Variants in CUX2 observed in about 807,000 individuals in gnomAD.
CUX2 encodes the protein homeobox protein cut-like 2.
CUX2 carries 40 observed loss-of-function variants against 144.8 expected under a neutral mutation model. The ratio of observed to expected loss-of-function variants is 0.28; its 90% CI spans 0.21 to 0.36. The LOEUF (loss-of-function observed/expected upper bound fraction) is 0.36, where lower values mean the gene tolerates loss of function less well. CUX2 is among the 10% of genes least tolerant of loss of function. The probability of loss-of-function intolerance (pLI) is 1.00; values close to 1 mark genes in which losing one functional copy is unlikely to be tolerated. For missense variants in CUX2, 1,615 were observed against 1,994.0 expected (o/e 0.81, Z 3.62); for synonymous variants, 827 against 875.6 (o/e 0.94, Z 0.98).
chr12:111,217,796 A>T (rs1881628438), intron 2 of CUX2, 94 bp from the exon 3 acceptor site: 1 of 1,324,938 alleles, frequency 7.5e-7, no homozygotes, highest in East Asian at 2.3e-5. Context: ...TGCTTGGGAA[A>T]TGCTGAGCCA....
chr12:111,215,648 G>A (rs1350688990), intron 2 of CUX2, among the ~76,000 whole-genome samples: 2 of 152,162 alleles, frequency 1.3e-5, no homozygotes, highest in African/African-American at 4.8e-5. Flanking sequence ...TCGCCTTTTA[G>A]AACAGAGCTC....
intron 21 of CUX2, among the ~76,000 whole-genome samples, chr12:111,344,009 C>T (rs182027579): frequency 3.5e-4 from 53 of 152,286 alleles, no homozygotes; most frequent in African/African-American, 1.3e-3. Flanking sequence ...GCCGAGATCA[C>T]ACCACTGCAC....
At chr12:111,123,979 T>G (rs1874876211) in intron 1 of CUX2, among the ~76,000 whole-genome samples, 1 of 152,164 alleles carries the variant, frequency 6.6e-6, no homozygotes, top group Non-Finnish European at 1.5e-5. Context: ...AGTCAACATT[T>G]TTTTCTAGAT....
chr12:111,101,238 G>A (rs745795952), intron 1 of CUX2, among the ~76,000 whole-genome samples: 2 of 152,114 alleles, frequency 1.3e-5, no homozygotes, highest in Non-Finnish European at 2.9e-5. Context: ...TTGGTTCCTG[G>A]GATGCACCTT....
chr12:111,192,871 A>G (rs1207830300), intron 1 of CUX2, among the ~76,000 whole-genome samples: 1 of 152,250 alleles, frequency 6.6e-6, no homozygotes, highest in Non-Finnish European at 1.5e-5. Context: ...CATCGTTCCT[A>G]TGGCTAATAG....
intron 1 of CUX2, among the ~76,000 whole-genome samples, chr12:111,179,395 C>T (rs1369838037): frequency 6.6e-6 from 1 of 152,198 alleles, no homozygotes; most frequent in Admixed American, 6.5e-5. Flanking sequence ...ACCAAGCACC[C>T]AAGAAATGTT....
In CUX2 at chr12:111,295,276, G is replaced by T. The variant is rs1885911232; in HGVS notation, c.561-57G>T. On this transcript the variant is annotated intron_variant, in intron 6 of 21. Coordinates refer to ENST00000261726, the MANE Select transcript of CUX2 (RefSeq NM_015267.4). The surrounding 1 kb of genome is among the most constrained non-coding windows in gnomAD (Gnocchi z 5.0). ...GAAGCAAGATGGGGCTCGACTCGGG[G>T]GCCCCAGGCAAGGCCTGTCCCTGCA... 6.4e-7 allele frequency: 1 copy of T among 1,564,900 alleles called. No homozygotes were observed. Among genetic ancestry groups the T allele is most frequent in the Non-Finnish European group, 8.7e-7 (1 of 1,149,172 alleles).
Position 111,308,545 on chromosome 12 carries a change from C to T in CUX2, c.1258+19C>T. 3.8e-6 allele frequency: 6 copies of T among 1,593,644 alleles called. No homozygotes were observed. Among genetic ancestry groups the T allele is most frequent in the Non-Finnish European group, 5.1e-6 (6 of 1,169,506 alleles). ...AGCCCTGGTAGGGGAGGAGGATACT[C>T]TGGGGCTGAGGGCTGGGGCGGGGGC... On this transcript the variant is annotated intron_variant, in intron 14 of 21. Coordinates refer to ENST00000261726, the MANE Select transcript of CUX2 (RefSeq NM_015267.4).
chr12:111,319,736 C>G (rs1423544577), intron 16 of CUX2, among the ~76,000 whole-genome samples: 3 of 152,150 alleles, frequency 2.0e-5, no homozygotes, highest in African/African-American at 7.2e-5. Context: ...CATCTCAAAA[C>G]AAAACAAAAC....
chr12:111,049,223 A>G (rs1870145886), intron 1 of CUX2, among the ~76,000 whole-genome samples: 1 of 151,994 alleles, frequency 6.6e-6, no homozygotes, highest in Non-Finnish European at 1.5e-5. Flanking sequence ...GAATTCATCC[A>G]TCCATCCATC....
chr12:111,035,426 T>C lies in CUX2; in HGVS notation c.63+1186T>C, dbSNP rs563945723. On this transcript the variant is annotated intron_variant, in intron 1 of 21. Coordinates refer to ENST00000261726, the MANE Select transcript of CUX2 (RefSeq NM_015267.4). The surrounding 1 kb of genome is among the most constrained non-coding windows in gnomAD (Gnocchi z 6.0). ...AGGCGCGGCTCCGGCCTCTGTTCTT[T>C]CCCGGAGTGCCCCGGACGCGCCTGG... Among the ~76,000 whole-genome samples, 8 of 151,836 alleles carry C rather than the reference T, an allele frequency of 5.3e-5. No individual in the cohort carries two copies. In the East Asian group the frequency reaches 1.6e-3, roughly 30 times the overall value.
In CUX2 at chr12:111,320,948, A is replaced by G. The variant is rs1887496984; in HGVS notation, c.2766+173A>G. ...GCCACTGTTCTGCTCCGTGGTTGTT[A>G]AAACCAGGAAATGCTTCCATCCTGG... On this transcript the variant is annotated intron_variant, in intron 17 of 21. Coordinates refer to ENST00000261726, the MANE Select transcript of CUX2 (RefSeq NM_015267.4). The surrounding 1 kb of genome is among the most constrained non-coding windows in gnomAD (Gnocchi z 8.1). Among the ~76,000 whole-genome samples, 1 of 152,180 alleles carries G rather than the reference A, an allele frequency of 6.6e-6. No homozygotes were observed. Among genetic ancestry groups the G allele is most frequent in the South Asian group, 2.1e-4 (1 of 4,826 alleles).
rs1017332335 is a variant in CUX2 at position 111,334,481 on chromosome 12, C to G, written c.2967C>G (p.Pro989=). ...TEPRSSPSPP[P]SPTEPEKSSQ... is the part of the protein sequence containing the mutation. ...CAAGGTCCTCACCATCCCCACCCCCCAGCCCCACAGAGCCTGAGAAGAGCT... is the reference window on the plus strand; with the variant it reads ...CAAGGTCCTCACCATCCCCACCCCCGAGCCCCACAGAGCCTGAGAAGAGCT... Residue 989 remains proline (P), a synonymous_variant, in exon 19 of 22, where the codon CCC becomes CCG. Transcript: ENST00000261726. 16 of 1,611,328 alleles carry G rather than the reference C, an allele frequency of 9.9e-6. No individual in the cohort carries two copies. The African/African-American group carries it at 1.6e-4, about 16-fold the overall frequency.
intron 9 of CUX2, among the ~76,000 whole-genome samples, chr12:111,300,365 C>T (rs536861597): frequency 6.6e-6 from 1 of 152,346 alleles, no homozygotes; most frequent in Non-Finnish European, 1.5e-5. Context: ...AAGCAGTCCA[C>T]CCTCCTGGGC....
chr12:111,135,729 A>C (rs946946855), intron 1 of CUX2, among the ~76,000 whole-genome samples: 1 of 152,248 alleles, frequency 6.6e-6, no homozygotes, highest in Admixed American at 6.5e-5. Context: ...GGCCAGACGC[A>C]AAAGACCATG....
chr12:111,185,652 C>T (rs1046983225), intron 1 of CUX2, among the ~76,000 whole-genome samples: 2 of 152,146 alleles, frequency 1.3e-5, no homozygotes, highest in Non-Finnish European at 1.5e-5. Context: ...CCCTGAGCCC[C>T]GAGGGGACCC....
chr12:111,213,021 C>T (rs1329512691), intron 1 of CUX2, among the ~76,000 whole-genome samples: 2 of 152,298 alleles, frequency 1.3e-5, no homozygotes, highest in African/African-American at 2.4e-5. Context: ...AACACGGTGC[C>T]GGGCCTCATC....
chr12:111,134,816 T>C (rs1417866406), intron 1 of CUX2, among the ~76,000 whole-genome samples: 1 of 151,882 alleles, frequency 6.6e-6, no homozygotes, highest in East Asian at 1.9e-4. Flanking sequence ...TAAAAGAGGG[T>C]TTACCAGAAA....
At position 111,304,611 on chromosome 12, in the gene CUX2, C is replaced by G. The variant is rs997537077; in HGVS notation, c.858+297C>G. 4.6e-5 allele frequency among the ~76,000 whole-genome samples: 7 copies of G among 152,162 alleles called. No individual in the cohort carries two copies. The highest frequency in any genetic ancestry group is 1.4e-4 in the African/African-American group (6 of 41,424). ...CTTCCTTTGGAGGCCTCCCTTATCC[C>G]CAATTATCCAAGAATGCCAGGAACT... is the stretch of plus-strand genomic sequence containing the variant. On this transcript the variant is annotated intron_variant, in intron 10 of 21. Transcript: ENST00000261726. The surrounding 1 kb of genome is among the most constrained non-coding windows in gnomAD (Gnocchi z 4.7).
Sources: gnomAD v4.1 joint callset for allele counts (sites outside exome capture counted in the v4.1 genomes callset) on GRCh38, gnomAD v4.1.1 for gene constraint, Gnocchi (gnomAD v3.1) non-coding constraint, MANE v1.5 for transcripts, NCBI Gene and HGNC (gene_info 2026-07-23, HGNC 2026-07-21) for gene names.